Variants in EFEMP1 observed in about 807,000 individuals in gnomAD.
EFEMP1 encodes EGF-containing fibulin-like extracellular matrix protein 1.
In EFEMP1, 18 loss-of-function variants were observed where a neutral mutation model predicts 65.7. The ratio of observed to expected loss-of-function variants is 0.27; its 90% CI spans 0.19 to 0.41. The LOEUF is 0.41. Ranked by LOEUF, EFEMP1 falls within the 10% of genes least tolerant of loss-of-function variation. The pLI, the probability that EFEMP1 is intolerant of heterozygous loss-of-function variation, is 1.00. For synonymous variants in EFEMP1, 237 were observed against 219.7 expected (o/e 1.08, Z -0.70); for missense variants, 469 against 624.8 (o/e 0.75, Z 2.66).
intron 5 of EFEMP1, among the ~76,000 whole-genome samples, chr2:55,909,232 T>C (rs1670392047): frequency 1.3e-5 from 2 of 152,202 alleles, no homozygotes; most frequent in African/African-American, 4.8e-5. Flanking sequence ...TCTATTCATT[T>C]ATACAAACAA....
At chr2:55,913,729 G>A (rs1386184634) in intron 5 of EFEMP1, among the ~76,000 whole-genome samples, 1 of 151,880 alleles carries the variant, frequency 6.6e-6, no homozygotes, top group African/African-American at 2.4e-5. Flanking sequence ...AGAGACTATT[G>A]CCAGGTACAG....
rs1366235434 is a variant in EFEMP1 at position 55,866,868 on chromosome 2, T to G, written c.*205A>C. The G allele has an allele frequency of 4.9e-6, 3 of 607,732 alleles. No homozygotes were observed. The highest frequency in any genetic ancestry group is 1.9e-5 in the African/African-American group (1 of 53,896). The allele number at this position is 607,732 out of a possible 1,614,324, so 37.6% of individuals were successfully genotyped here. ...AAGACCAGTTTAGTGGATTAATGTC[T>G]AATTTACATATAGTAATAAAGACAA... On this transcript the variant is annotated 3_prime_UTR_variant, in exon 12 of 12. Coordinates refer to ENST00000355426, the MANE Select transcript of EFEMP1 (RefSeq NM_001039348.3).
chr2:55,885,106 C>T lies in EFEMP1; in HGVS notation c.518-3372G>A, dbSNP rs563561404. Among the ~76,000 whole-genome samples, 1 of 152,208 alleles carries T rather than the reference C, an allele frequency of 6.6e-6. No individual in the cohort carries two copies. Among genetic ancestry groups the T allele is most frequent in the South Asian group, 2.1e-4 (1 of 4,820 alleles). ...TTAGTAAAAGAAAAATGATGTTGAG[C>T]AAGTGAGTCCAGGAGTGCAGAGGCT... On this transcript the variant is annotated intron_variant, in intron 5 of 11. Coordinates refer to ENST00000355426, the MANE Select transcript of EFEMP1 (RefSeq NM_001039348.3). This position sits in a 1 kb window ranked among gnomAD's most constrained non-coding sequence, Gnocchi z 4.3.
intron 5 of EFEMP1, among the ~76,000 whole-genome samples, chr2:55,905,058 A>T (rs1246577024): frequency 6.7e-6 from 1 of 149,708 alleles, no homozygotes; most frequent in Admixed American, 6.7e-5. Flanking sequence ...TAATTACAAA[A>T]CTTAGGATCT....
At chr2:55,891,900 A>G (rs1669639951) in intron 5 of EFEMP1, among the ~76,000 whole-genome samples, 1 of 152,126 alleles carries the variant, frequency 6.6e-6, no homozygotes, top group Non-Finnish European at 1.5e-5. Flanking sequence ...TTGATACCAT[A>G]GTTACCATTT....
rs764211158 is a variant in EFEMP1, at chr2:55,917,674, CGTT to C, written c.505_507del (p.Asn169del). On this transcript the variant is annotated inframe_deletion, in exon 5 of 12. Coordinates refer to ENST00000355426, the MANE Select transcript of EFEMP1 (RefSeq NM_001039348.3). The surrounding 1 kb of genome is among the most constrained non-coding windows in gnomAD (Gnocchi z 6.3). ...AATAAGTTATTCCTACCTTGGCACA[CGTT>C]GTGTTCACTTTGCTCGTAGCCTGCT... is the stretch of plus-strand genomic sequence containing the variant. 3 of 1,614,056 alleles carry C rather than the reference CGTT, an allele frequency of 1.9e-6. No homozygotes were observed. The African/African-American group carries it at 4.0e-5, about 22-fold the overall frequency.
chr2:55,899,656 T>C (rs1326254233), intron 5 of EFEMP1, among the ~76,000 whole-genome samples: 1 of 152,178 alleles, frequency 6.6e-6, no homozygotes, highest in Non-Finnish European at 1.5e-5. Flanking sequence ...TTACATAATC[T>C]CTCAGTTGAG....
chr2:55,914,371 T>C (rs1190379239), intron 5 of EFEMP1, among the ~76,000 whole-genome samples: 1 of 152,212 alleles, frequency 6.6e-6, no homozygotes, highest in African/African-American at 2.4e-5. Flanking sequence ...TTCAAACTCC[T>C]TGTTTTTGTA....
intron 8 of EFEMP1, among the ~76,000 whole-genome samples, chr2:55,875,444 T>C (rs1185500723): frequency 1.3e-5 from 2 of 151,858 alleles, no homozygotes; most frequent in Non-Finnish European, 2.9e-5. Flanking sequence ...AGTAAAAATA[T>C]TGCAAATTCT....
intron 5 of EFEMP1, among the ~76,000 whole-genome samples, chr2:55,906,328 A>C (rs1316641686): frequency 6.6e-6 from 1 of 151,256 alleles, no homozygotes; most frequent in African/African-American, 2.4e-5. Context: ...GGTTCAAACA[A>C]TTCTCCTGCC....
rs1197805865 is a variant in EFEMP1, at chr2:55,866,307, C to T, written c.*766G>A. ...GAATTCAGGGATGTTATTATATTTTCCGAGTTTGCTTCTTCAGGTCAGTTC... is the reference window on the plus strand; with the variant it reads ...GAATTCAGGGATGTTATTATATTTTTCGAGTTTGCTTCTTCAGGTCAGTTC... On this transcript the variant is annotated 3_prime_UTR_variant, in exon 12 of 12. Transcript: ENST00000355426. 1 of 152,148 alleles carries T rather than the reference C, an allele frequency of 6.6e-6. No individual in the cohort carries two copies. The highest frequency in any genetic ancestry group is 1.9e-4 in the East Asian group (1 of 5,194). 9.4% of individuals were successfully genotyped at this position (152,148 alleles called of 1,614,324 possible). A position where few individuals can be genotyped will look rare whatever the true frequency, so the allele number is the denominator to read the frequency against.
In EFEMP1 at chr2:55,921,844, A is replaced by G. The variant is rs1390246974; in HGVS notation, c.81+516T>C. 6.1e-6 allele frequency: 1 copy of G among 164,024 alleles called. No individual in the cohort carries two copies. Among genetic ancestry groups the G allele is most frequent in the African/African-American group, 2.4e-5 (1 of 41,600 alleles). The allele number at this position is 164,024 out of a possible 1,614,324, so 10.2% of individuals were successfully genotyped here. ...AAACTGTTGTCTGCCTTTATTTATT[A>G]GAATTATCAAGTTATACAAAAAGAA... On this transcript the variant is annotated intron_variant, in intron 3 of 11. Transcript: ENST00000355426. This position sits in a 1 kb window ranked among gnomAD's most constrained non-coding sequence, Gnocchi z 4.1.
At chr2:55,887,388 C>G (rs1206638944) in intron 5 of EFEMP1, among the ~76,000 whole-genome samples, 1 of 152,138 alleles carries the variant, frequency 6.6e-6, no homozygotes, top group Non-Finnish European at 1.5e-5. Context: ...TTGCGTCTTT[C>G]TTCTACTTAG....
chr2:55,906,160 A>C (rs1670260772), intron 5 of EFEMP1, among the ~76,000 whole-genome samples: 1 of 150,842 alleles, frequency 6.6e-6, no homozygotes, highest in South Asian at 2.1e-4. Context: ...CCCCACCCTG[A>C]CCCACGACAA....
At chr2:55,882,076 C>T (rs1383493461) in intron 5 of EFEMP1, among the ~76,000 whole-genome samples, 2 of 152,086 alleles carry the variant, frequency 1.3e-5, no homozygotes, top group Non-Finnish European at 2.9e-5. Flanking sequence ...GAATCCTTCC[C>T]TGAGATGTTT....
intron 6 of EFEMP1, among the ~76,000 whole-genome samples, chr2:55,878,704 T>A (rs1398604001): frequency 6.6e-6 from 1 of 152,098 alleles, no homozygotes; most frequent in Non-Finnish European, 1.5e-5. Context: ...GCTCTTTTGG[T>A]ACTTTAATAA....
In EFEMP1 at chr2:55,867,068, A is replaced by G; in HGVS notation, c.*5T>C. On this transcript the variant is annotated 3_prime_UTR_variant, in exon 12 of 12. Transcript: ENST00000355426. This position sits in a 1 kb window ranked among gnomAD's most constrained non-coding sequence, Gnocchi z 4.3. ...TAAATGCCTGTGGTTGACTCTTAGA[A>G]AAGACTAAAATGAAAATGGCCCCAC... The G allele has an allele frequency of 1.2e-6, 2 of 1,606,498 alleles. No homozygotes were observed. Among genetic ancestry groups the G allele is most frequent in the Non-Finnish European group, 1.7e-6 (2 of 1,176,556 alleles).
At chr2:55,894,550 G>A (rs147492923) in intron 5 of EFEMP1, among the ~76,000 whole-genome samples, 77 of 152,302 alleles carry the variant, frequency 5.1e-4, no homozygotes, top group African/African-American at 1.8e-3. Flanking sequence ...TACACCACTT[G>A]TATTTAATGA....
intron 6 of EFEMP1, among the ~76,000 whole-genome samples, chr2:55,881,031 C>G (rs1360382197): frequency 6.6e-6 from 1 of 152,230 alleles, no homozygotes; most frequent in Non-Finnish European, 1.5e-5. Context: ...TAATACCCAT[C>G]TGTTGACTCA....
Sources: gnomAD v4.1 joint callset for allele counts (sites outside exome capture counted in the v4.1 genomes callset) on GRCh38, gnomAD v4.1.1 for gene constraint, Gnocchi (gnomAD v3.1) non-coding constraint, MANE v1.5 for transcripts, NCBI Gene and HGNC (gene_info 2026-07-23, HGNC 2026-07-21) for gene names.